Variants in STIM1 observed in about 807,000 individuals in gnomAD.
The protein encoded by STIM1 is stromal interaction molecule 1.
In STIM1, 25 loss-of-function variants were observed where a neutral mutation model predicts 74.7. The ratio of observed to expected loss-of-function variants is 0.33; its 90% CI spans 0.24 to 0.47. STIM1 has a LOEUF of 0.47. STIM1 is among the 20% of genes least tolerant of loss of function. The pLI, the probability that STIM1 is intolerant of heterozygous loss-of-function variation, is 1.00. For synonymous variants in STIM1, 328 were observed against 348.8 expected (o/e 0.94, Z 0.66); for missense variants, 728 against 920.8 (o/e 0.79, Z 2.71).
At chr11:3,944,239 C>T (rs886809521) in intron 1 of STIM1, among the ~76,000 whole-genome samples, 2 of 152,198 alleles carry the variant, frequency 1.3e-5, no homozygotes, top group African/African-American at 4.8e-5. Flanking sequence ...GGGTGTTTCC[C>T]CTGGCTTTTC....
At chr11:3,900,468 C>T (rs189073598) in intron 1 of STIM1, among the ~76,000 whole-genome samples, 4 of 152,328 alleles carry the variant, frequency 2.6e-5, no homozygotes, top group African/African-American at 7.2e-5. Context: ...TCTGGCACTC[C>T]CCAGTGAGAT....
At position 4,055,527 on chromosome 11, in the gene STIM1, A is replaced by G. The variant is rs116855870; in HGVS notation, c.387A>G (p.Val129=). ...GGCTTTGCTTGTCTCTTTTCACAGT[A>G]TACAATTGGACCGTGGATGAGGTGG... The part of the protein sequence containing the change: ...DLWKAWKSSE[V]YNWTVDEVVQ... The change falls in exon 4 of 13, where the codon GTA becomes GTG. Residue 129 remains valine (V), a splice_region_variant and synonymous_variant. Transcript: ENST00000526596. 8.7e-4 allele frequency: 1,379 copies of G among 1,592,364 alleles called. 23 individuals are homozygous for G. In the East Asian group the frequency reaches 0.023, roughly 27 times the overall value.
At chr11:4,086,864 A>G (rs1291555109) in intron 12 of STIM1, 1 of 1,529,282 alleles carries the variant, frequency 6.5e-7, no homozygotes, top group Non-Finnish European at 8.8e-7. Flanking sequence ...AGCTTGGGGT[A>G]TCAGCTGTCT....
chr11:3,858,499 AGGTT>A (rs2090474656), intron 1 of STIM1, among the ~76,000 whole-genome samples: 1 of 152,164 alleles, frequency 6.6e-6, no homozygotes, highest in Non-Finnish European at 1.5e-5. Context: ...GGAAACCTGG[AGGTT>A]CTAGCACTAT....
intron 1 of STIM1, among the ~76,000 whole-genome samples, chr11:3,941,706 T>C (rs2093013007): frequency 8.0e-6 from 1 of 124,778 alleles, no homozygotes; most frequent in South Asian, 3.2e-4. Flanking sequence ...AGTGTGTGTG[T>C]GTCTCAGTGT....
intron 4 of STIM1, among the ~76,000 whole-genome samples, chr11:4,057,499 C>T (rs2094299154): frequency 6.6e-6 from 1 of 152,138 alleles, no homozygotes; most frequent in Admixed American, 6.5e-5. Context: ...GATTTGAGTT[C>T]ATTCTCTGGC....
intron 7 of STIM1, among the ~76,000 whole-genome samples, chr11:4,079,743 A>G (rs887427987): frequency 1.3e-5 from 2 of 152,158 alleles, no homozygotes; most frequent in Admixed American, 1.3e-4. Context: ...CCCATGACCT[A>G]CCATATCCTA....
At chr11:4,044,159 T>G (rs1003435268) in intron 3 of STIM1, among the ~76,000 whole-genome samples, 3 of 152,324 alleles carry the variant, frequency 2.0e-5, no homozygotes, top group South Asian at 4.1e-4. Flanking sequence ...TAGTCTTTGA[T>G]CTGGCTAGGG....
intron 1 of STIM1, among the ~76,000 whole-genome samples, chr11:3,954,364 C>T (rs2093185814): frequency 6.6e-6 from 1 of 152,126 alleles, no homozygotes; most frequent in Non-Finnish European, 1.5e-5. Flanking sequence ...GTTCGTTCAA[C>T]AAATGTTCAT....
In STIM1 at chr11:3,870,697, C is replaced by T. The variant is rs142574839; in HGVS notation, c.139+14288C>T. 7.1e-3 allele frequency among the ~76,000 whole-genome samples: 1,076 copies of T among 151,914 alleles called. 15 individuals are homozygous for T. The highest frequency in any genetic ancestry group is 0.024 in the African/African-American group (989 of 41,420). On this transcript the variant is annotated intron_variant, in intron 1 of 12. Transcript: ENST00000526596. ...TTTTTTGTAGAGATGGGGGTCTCACCATGTTGCCCAGGCTGGTCTGGAACT... is the reference window on the plus strand; with the variant it reads ...TTTTTTGTAGAGATGGGGGTCTCACTATGTTGCCCAGGCTGGTCTGGAACT...
chr11:3,895,612 T>TTC (rs71047184), intron 1 of STIM1, among the ~76,000 whole-genome samples: 1,239 of 31,640 alleles, frequency 0.039, 40 homozygotes, highest in East Asian at 0.062. Context: ...TTCTCTCTCT[T>TTC]TCTTTCTTTC....
intron 1 of STIM1, among the ~76,000 whole-genome samples, chr11:3,914,847 T>C (rs1168379639): frequency 6.6e-6 from 1 of 152,230 alleles, no homozygotes; most frequent in Non-Finnish European, 1.5e-5. Context: ...ATAGCAGCTA[T>C]ACCATTTTAC....
intron 2 of STIM1, among the ~76,000 whole-genome samples, chr11:3,983,678 C>T (rs1455318433): frequency 6.6e-6 from 1 of 152,206 alleles, no homozygotes; most frequent in Non-Finnish European, 1.5e-5. Context: ...CAGGGCCTCT[C>T]TCTGATTCCC....
intron 2 of STIM1, among the ~76,000 whole-genome samples, chr11:3,970,130 A>T (rs868694708): frequency 2.3e-4 from 34 of 150,520 alleles, no homozygotes; most frequent in Middle Eastern, 3.4e-3. Flanking sequence ...GAGGGGAGGA[A>T]TAAAATGTTC....
At chr11:3,971,688 C>A (rs2093397590) in intron 2 of STIM1, among the ~76,000 whole-genome samples, 2 of 152,200 alleles carry the variant, frequency 1.3e-5, no homozygotes, top group Non-Finnish European at 2.9e-5. Flanking sequence ...TTACTCCCTG[C>A]CAGGACAAAC....
intron 12 of STIM1, chr11:4,088,739 G>T: frequency 6.5e-7 from 1 of 1,535,818 alleles, no homozygotes; most frequent in Non-Finnish European, 8.7e-7. Flanking sequence ...CTCTAGTAAG[G>T]TCAGTAGCTT....
At chr11:3,885,252 C>T (rs1396218134) in intron 1 of STIM1, among the ~76,000 whole-genome samples, 2 of 151,640 alleles carry the variant, frequency 1.3e-5, no homozygotes, top group African/African-American at 4.9e-5. Context: ...AGTCATGGCT[C>T]ACTGCAGCCT....
intron 2 of STIM1, among the ~76,000 whole-genome samples, chr11:3,994,722 A>G (rs567751305): frequency 7.2e-5 from 11 of 152,072 alleles, no homozygotes; most frequent in Admixed American, 2.6e-4. Flanking sequence ...GGCCTCTCAC[A>G]GGTGTGAGTC....
At chr11:4,088,733 A>G (rs2094507083) in intron 12 of STIM1, 2 of 1,535,744 alleles carry the variant, frequency 1.3e-6, no homozygotes, top group East Asian at 2.4e-5. Context: ...CAGGCTCTCT[A>G]GTAAGGTCAG....
Sources: allele counts gnomAD v4.1 joint callset (sites outside exome capture counted in the v4.1 genomes callset), GRCh38; gene constraint gnomAD v4.1.1; transcripts MANE v1.5; gene names NCBI Gene and HGNC (gene_info 2026-07-23, HGNC 2026-07-21).